MEF2C: variants seen among roughly 807,000 people sequenced by gnomAD.
The protein encoded by MEF2C is myocyte enhancer factor 2C, also known as myocyte-specific enhancer factor 2C.
Under a neutral mutation model 50.5 loss-of-function variants are expected in MEF2C, and 6 were observed. The ratio of observed to expected loss-of-function variants is 0.12; its 90% CI spans 0.07 to 0.23. The LOEUF is 0.23. Ranked by LOEUF, MEF2C falls within the 10% of genes least tolerant of loss-of-function variation. The pLI, the probability that MEF2C is intolerant of heterozygous loss-of-function variation, is 1.00. For synonymous variants in MEF2C, 183 were observed against 228.0 expected (o/e 0.80, Z 1.78); for missense variants, 276 against 605.0 (o/e 0.46, Z 5.70).
chr5:88,762,840 CA>C (rs578224135), intron 3 of MEF2C, among the ~76,000 whole-genome samples: 49 of 152,066 alleles, frequency 3.2e-4, no homozygotes, highest in African/African-American at 1.2e-3. Flanking sequence ...ACAAATAAAG[CA>C]AAAGCTGTGA....
chr5:88,743,858 C>T (rs1768045178), intron 6 of MEF2C: 19 of 970,586 alleles, frequency 2.0e-5, no homozygotes, highest in Non-Finnish European at 6.1e-6. Context: ...AATAAGAAAA[C>T]AGATGTTAGT....
At chr5:88,850,779 T>C (rs183952338) in intron 1 of MEF2C, among the ~76,000 whole-genome samples, 24 of 152,122 alleles carry the variant, frequency 1.6e-4, no homozygotes, top group Non-Finnish European at 2.6e-4. Flanking sequence ...TATGTACAGT[T>C]GACCCTTGAA....
intron 3 of MEF2C, among the ~76,000 whole-genome samples, chr5:88,776,336 T>A (rs1203733383): frequency 6.6e-6 from 1 of 152,214 alleles, no homozygotes; most frequent in Non-Finnish European, 1.5e-5. Context: ...ACCTCTCTTA[T>A]TTTTTATGGT....
intron 1 of MEF2C, among the ~76,000 whole-genome samples, chr5:88,866,551 A>G (rs1827455427): frequency 1.3e-5 from 2 of 152,240 alleles, no homozygotes; most frequent in African/African-American, 4.8e-5. Context: ...ATTGTTTCTC[A>G]TGGTAAAAAT....
chr5:88,863,860 C>T (rs1435259152), intron 1 of MEF2C, among the ~76,000 whole-genome samples: 1 of 147,018 alleles, frequency 6.8e-6, no homozygotes, highest in Non-Finnish European at 1.5e-5. Flanking sequence ...CTCGCTCTGT[C>T]TCTCAGGTTG....
At chr5:88,885,433 T>A (rs1444954739), upstream of MEF2C, among the ~76,000 whole-genome samples, 2 of 152,222 alleles carry the variant, frequency 1.3e-5, no homozygotes, top group African/African-American at 4.8e-5. Flanking sequence ...TAGGAATGCA[T>A]CACAAACTGT....
intron 1 of MEF2C, among the ~76,000 whole-genome samples, chr5:88,860,177 G>T (rs892395523): frequency 1.3e-5 from 2 of 152,124 alleles, no homozygotes; most frequent in African/African-American, 4.8e-5. Flanking sequence ...TTTACAGTAG[G>T]TTCCACATTC....
chr5:88,859,439 T>C (rs771621937), intron 1 of MEF2C, among the ~76,000 whole-genome samples: 8 of 152,214 alleles, frequency 5.3e-5, no homozygotes, highest in Non-Finnish European at 1.0e-4. Context: ...TTAGGCTTTT[T>C]ATTTCCTGTG....
intron 1 of MEF2C, among the ~76,000 whole-genome samples, chr5:88,859,497 C>T (rs1487463520): frequency 6.6e-6 from 1 of 152,144 alleles, no homozygotes; most frequent in Non-Finnish European, 1.5e-5. Flanking sequence ...AGGAGAATGC[C>T]GTTTCACATA....
chr5:88,836,583 A>G (rs910624295), intron 1 of MEF2C, among the ~76,000 whole-genome samples: 1 of 152,178 alleles, frequency 6.6e-6, no homozygotes, highest in Non-Finnish European at 1.5e-5. Context: ...TTTCCTCCAT[A>G]CAATCCAGGC....
chr5:88,818,935 A>G (rs1165818871), intron 2 of MEF2C, among the ~76,000 whole-genome samples: 7 of 152,052 alleles, frequency 4.6e-5, no homozygotes, highest in Non-Finnish European at 1.0e-4. Flanking sequence ...AGGAATAGCT[A>G]ATAGGTAAAT....
chr5:88,793,873 T>C (rs988597224), intron 3 of MEF2C, among the ~76,000 whole-genome samples: 2 of 151,550 alleles, frequency 1.3e-5, no homozygotes, highest in Non-Finnish European at 2.9e-5. Flanking sequence ...CAACTCCCAC[T>C]TATGAGTGAG....
At chr5:88,739,831 A>T in intron 6 of MEF2C, 8 of 985,358 alleles carry the variant, frequency 8.1e-6, no homozygotes, top group Non-Finnish European at 9.6e-6. Context: ...GTATGATGAA[A>T]ATTTCAATAT....
At chr5:88,738,488 C>T (rs1005620000) in intron 6 of MEF2C, 10 of 865,298 alleles carry the variant, frequency 1.2e-5, no homozygotes, top group East Asian at 1.2e-4. Flanking sequence ...ATGAGAAAAC[C>T]GAAGAAAAGA....
At chr5:88,824,024 T>C (rs889682012) in intron 1 of MEF2C, 94 bp from the exon 2 acceptor site, 1 of 1,175,652 alleles carries the variant, frequency 8.5e-7, no homozygotes, top group African/African-American at 1.6e-5. Context: ...ATAAACTATA[T>C]GGAGCTAAAG....
At chr5:88,803,070 C>T (rs1380809528) in intron 3 of MEF2C, among the ~76,000 whole-genome samples, 1 of 152,176 alleles carries the variant, frequency 6.6e-6, no homozygotes, top group Non-Finnish European at 1.5e-5. Context: ...TGCACACACA[C>T]AAGCAGTGTT....
intron 4 of MEF2C, among the ~76,000 whole-genome samples, chr5:88,759,003 C>T (rs1020018334): frequency 6.6e-6 from 1 of 152,194 alleles, no homozygotes; most frequent in Non-Finnish European, 1.5e-5. Flanking sequence ...CCTATATGAT[C>T]GCTTCCATTG....
intron 1 of MEF2C, among the ~76,000 whole-genome samples, chr5:88,863,251 A>G (rs1387523828): frequency 6.6e-6 from 1 of 152,246 alleles, no homozygotes; most frequent in Admixed American, 6.5e-5. Context: ...TGCATATTCA[A>G]CTCCCTCATC....
chr5:88,823,669 C>A, intron 2 of MEF2C, 66 bp downstream of exon 2: 2 of 1,420,904 alleles, frequency 1.4e-6, no homozygotes, highest in Non-Finnish European at 2.0e-6. Flanking sequence ...ATTTTCTGTA[C>A]CCTTAACATA....
Sources: gnomAD v4.1 joint callset for allele counts (sites outside exome capture counted in the v4.1 genomes callset) on GRCh38, gnomAD v4.1.1 for gene constraint, MANE v1.5 for transcripts, NCBI Gene and HGNC (gene_info 2026-07-23, HGNC 2026-07-21) for gene names.